Variants in FBXO8 observed in about 807,000 individuals in gnomAD.
FBXO8 encodes the protein F-box protein 8.
A neutral mutation model predicts 33.4 loss-of-function variants in FBXO8; 15 were observed. The ratio of observed to expected loss-of-function variants is 0.45; its 90% CI spans 0.30 to 0.69. The LOEUF is 0.69. Ranked by LOEUF, FBXO8 falls within the 30% of genes least tolerant of loss-of-function variation. FBXO8 has a pLI of 0.08. For missense variants in FBXO8, 274 were observed against 380.3 expected (o/e 0.72, Z 2.32); for synonymous variants, 132 against 131.5 (o/e 1.00, Z -0.02).
At chr4:174,243,252 T>A (rs1736082735) in intron 3 of FBXO8, among the ~76,000 whole-genome samples, 1 of 151,344 alleles carries the variant, frequency 6.6e-6, no homozygotes, top group Non-Finnish European at 1.5e-5. Flanking sequence ...GAAGCAGTCA[T>A]GAGCACAAAG....
chr4:174,279,802 G>C (rs966753469), intron 1 of FBXO8, among the ~76,000 whole-genome samples: 1 of 152,046 alleles, frequency 6.6e-6, no homozygotes. Context: ...ACATTCAAAA[G>C]AATGAGGTTG....
At chr4:174,250,973 G>A (rs932221448) in intron 3 of FBXO8, among the ~76,000 whole-genome samples, 2 of 152,072 alleles carry the variant, frequency 1.3e-5, no homozygotes, top group Non-Finnish European at 2.9e-5. Context: ...AGAGGGTCAG[G>A]TAGTGTATGA....
rs1481285838 is a variant in FBXO8 at position 174,245,014 on chromosome 4, TA to T, written c.457-3797del. On this transcript the variant is annotated intron_variant, in intron 3 of 5. Coordinates refer to ENST00000393674, the MANE Select transcript of FBXO8 (RefSeq NM_012180.3). This position sits in a 1 kb window ranked among gnomAD's most constrained non-coding sequence, Gnocchi z 4.6. ...TTACATATATGCATCTGCTTTAAAA[TA>T]TTTTTTAAAACATGAAGCAATACAT... Among the ~76,000 whole-genome samples the T allele has an allele frequency of 1.3e-5, 2 of 151,814 alleles. No homozygotes were observed. Among genetic ancestry groups the T allele is most frequent in the Non-Finnish European group, 2.9e-5 (2 of 67,828 alleles).
At position 174,237,884 on chromosome 4, in the gene FBXO8, A is replaced by G. The variant is rs961914487; in HGVS notation, c.773-285T>C. ...TTTCAAAAGAACTTTAGAACAGTTT[A>G]GGAGTGTATAGTAAAAATTCATTCT... On this transcript the variant is annotated intron_variant, in intron 5 of 5. Transcript: ENST00000393674. The surrounding 1 kb of genome is among the most constrained non-coding windows in gnomAD (Gnocchi z 4.4). Among the ~76,000 whole-genome samples, 2 of 152,096 alleles carry G rather than the reference A, an allele frequency of 1.3e-5. No individual in the cohort carries two copies. Among genetic ancestry groups the G allele is most frequent in the African/African-American group, 4.8e-5 (2 of 41,446 alleles).
chr4:174,274,625 G>A lies in FBXO8; in HGVS notation c.-9+8785C>T, dbSNP rs1276054149. 6.6e-6 allele frequency among the ~76,000 whole-genome samples: 1 copy of A among 152,098 alleles called. No homozygotes were observed. The highest frequency in any genetic ancestry group is 1.5e-5 in the Non-Finnish European group (1 of 68,014). On this transcript the variant is annotated intron_variant, in intron 1 of 5. Transcript: ENST00000393674. The surrounding 1 kb of genome is among the most constrained non-coding windows in gnomAD (Gnocchi z 4.0). ...ATGATGACTGTAAGTACTAAAATAA[G>A]GAACTGACTCCACACAATAGGTTAC...
intron 5 of FBXO8, among the ~76,000 whole-genome samples, chr4:174,238,759 G>GTATA (rs34800396): frequency 1.8e-4 from 20 of 113,798 alleles, no homozygotes; most frequent in South Asian, 3.0e-4. Flanking sequence ...ACATAGCCAT[G>GTATA]TATATATATA....
At position 174,250,523 on chromosome 4, in the gene FBXO8, A is replaced by G. The variant is rs751239339; in HGVS notation, c.456+9176T>C. Among the ~76,000 whole-genome samples, 49 of 152,148 alleles carry G rather than the reference A, an allele frequency of 3.2e-4. 1 individual carries two copies. The highest frequency in any genetic ancestry group is 5.6e-4 in the Non-Finnish European group (38 of 67,976). ...TTTGATGCTATATTTAACTGCTAAC[A>G]ACCAAAAGAGATTTACAGAAATCTT... On this transcript the variant is annotated intron_variant, in intron 3 of 5. Transcript: ENST00000393674.
intron 2 of FBXO8, among the ~76,000 whole-genome samples, chr4:174,260,619 A>G (rs929793561): frequency 1.3e-5 from 2 of 152,014 alleles, no homozygotes; most frequent in Non-Finnish European, 2.9e-5. Context: ...CTAACAGTTC[A>G]TATCTCAAAA....
chr4:174,247,239 ATGTTT>A lies in FBXO8; in HGVS notation c.457-6026_457-6022del, dbSNP rs1204731598. On this transcript the variant is annotated intron_variant, in intron 3 of 5. Coordinates refer to ENST00000393674, the MANE Select transcript of FBXO8 (RefSeq NM_012180.3). The surrounding 1 kb of genome is among the most constrained non-coding windows in gnomAD (Gnocchi z 4.6). ...AGTTGGTATCAATAAAAGTTACATG[ATGTTT>A]TGTTTTGTTTTATTGGTGTCACTAA... 8.5e-5 allele frequency among the ~76,000 whole-genome samples: 13 copies of A among 152,132 alleles called. 1 individual carries two copies. Among genetic ancestry groups the A allele is most frequent in the African/African-American group, 3.1e-4 (13 of 41,540 alleles).
rs1736869591 is a variant in FBXO8 at position 174,272,802 on chromosome 4, T to C, written c.-8-9702A>G. Among the ~76,000 whole-genome samples the C allele has an allele frequency of 6.6e-6, 1 of 152,026 alleles. No individual in the cohort carries two copies. The highest frequency in any genetic ancestry group is 2.1e-4 in the South Asian group (1 of 4,830). ...TTAATTACAAGAAAAAATTAAGAAATAAGACAAAACCTTAACCAAATGATG... is the reference window on the plus strand; with the variant it reads ...TTAATTACAAGAAAAAATTAAGAAACAAGACAAAACCTTAACCAAATGATG... On this transcript the variant is annotated intron_variant, in intron 1 of 5. Transcript: ENST00000393674. The surrounding 1 kb of genome is among the most constrained non-coding windows in gnomAD (Gnocchi z 4.7).
rs962796273 is a variant in FBXO8, at chr4:174,255,417, A to T, written c.456+4282T>A. On this transcript the variant is annotated intron_variant, in intron 3 of 5. Coordinates refer to ENST00000393674, the MANE Select transcript of FBXO8 (RefSeq NM_012180.3). This position sits in a 1 kb window ranked among gnomAD's most constrained non-coding sequence, Gnocchi z 4.3. ...CTGTTTATACTTTAGCTGGTCCAAT[A>T]ACAAAAATAACATGTTATCTTGAAA... 2.6e-5 allele frequency among the ~76,000 whole-genome samples: 4 copies of T among 152,178 alleles called. No individual in the cohort carries two copies. Among genetic ancestry groups the T allele is most frequent in the African/African-American group, 9.6e-5 (4 of 41,456 alleles).
intron 3 of FBXO8, among the ~76,000 whole-genome samples, chr4:174,248,706 G>A (rs568438514): frequency 2.6e-5 from 4 of 152,080 alleles, no homozygotes; most frequent in East Asian, 1.9e-4. Context: ...TTTACCTTTC[G>A]TATAATATTA....
chr4:174,266,235 C>G (rs953014605), intron 1 of FBXO8, among the ~76,000 whole-genome samples: 7 of 152,142 alleles, frequency 4.6e-5, no homozygotes, highest in African/African-American at 1.7e-4. Context: ...AAGCCAGCAG[C>G]TGGTTCTTTA....
In FBXO8 at chr4:174,265,081, AC is replaced by A. The variant is rs961979324; in HGVS notation, c.-8-1982del. 4.6e-5 allele frequency among the ~76,000 whole-genome samples: 7 copies of A among 152,074 alleles called. No homozygotes were observed. Among genetic ancestry groups the A allele is most frequent in the Admixed American group, 1.3e-4 (2 of 15,268 alleles). On this transcript the variant is annotated intron_variant, in intron 1 of 5. Coordinates refer to ENST00000393674, the MANE Select transcript of FBXO8 (RefSeq NM_012180.3). This position sits in a 1 kb window ranked among gnomAD's most constrained non-coding sequence, Gnocchi z 4.7. The stretch of plus-strand genomic sequence containing the variant: ...ACATAACTATGAGATACTACTACAC[AC>A]CCATTAAAAGAGTATATCCGAAACA...
rs1416511213 is a variant in FBXO8, at chr4:174,241,062, T to A, written c.575+38A>T. The stretch of plus-strand genomic sequence containing the variant: ...AACTTAACTCATCAAAAACATTACT[T>A]AACTCATTTTGGATGAAAAGTTAAT... On this transcript the variant is annotated intron_variant, in intron 4 of 5. Coordinates refer to ENST00000393674, the MANE Select transcript of FBXO8 (RefSeq NM_012180.3). The surrounding 1 kb of genome is among the most constrained non-coding windows in gnomAD (Gnocchi z 4.2). The A allele has an allele frequency of 8.0e-7, 1 of 1,255,462 alleles. No homozygotes were observed. The highest frequency in any genetic ancestry group is 1.2e-6 in the Non-Finnish European group (1 of 869,350). 77.8% of individuals were successfully genotyped at this position (1,255,462 alleles called of 1,614,324 possible).
chr4:174,275,632 T>A lies in FBXO8; in HGVS notation c.-9+7778A>T, dbSNP rs975892840. Among the ~76,000 whole-genome samples the A allele has an allele frequency of 1.4e-4, 21 of 152,186 alleles. No individual in the cohort carries two copies. The highest frequency in any genetic ancestry group is 2.6e-4 in the Non-Finnish European group (18 of 68,020). ...TATGTAAATGATACCTTAATAAAGA[T>A]GTTTTATAAAAAGGAATTAGAAACT... On this transcript the variant is annotated intron_variant, in intron 1 of 5. Transcript: ENST00000393674. This position sits in a 1 kb window ranked among gnomAD's most constrained non-coding sequence, Gnocchi z 4.4.
Position 174,255,230 on chromosome 4 carries a change from A to G in FBXO8, c.456+4469T>C, listed in dbSNP as rs893585972. Among the ~76,000 whole-genome samples the G allele has an allele frequency of 6.6e-6, 1 of 152,208 alleles. No homozygotes were observed. The highest frequency in any genetic ancestry group is 2.4e-5 in the African/African-American group (1 of 41,464). On this transcript the variant is annotated intron_variant, in intron 3 of 5. Transcript: ENST00000393674. The surrounding 1 kb of genome is among the most constrained non-coding windows in gnomAD (Gnocchi z 4.3). ...TTCATTCCCTAGGAATAGAAGTTAA[A>G]GTTATTTTTCACCACTGTTGCTACG...
rs1736184615 is a variant in FBXO8, at chr4:174,247,407, C to T, written c.457-6189G>A. ...CTTGTATAAAATGTAAAATCTAGTA[C>T]AATGGCCACTACTTTTCAGGTCATC... On this transcript the variant is annotated intron_variant, in intron 3 of 5. Transcript: ENST00000393674. The surrounding 1 kb of genome is among the most constrained non-coding windows in gnomAD (Gnocchi z 4.6). Among the ~76,000 whole-genome samples, 1 of 136,356 alleles carries T rather than the reference C, an allele frequency of 7.3e-6. No individual in the cohort carries two copies. Among genetic ancestry groups the T allele is most frequent in the Non-Finnish European group, 1.7e-5 (1 of 59,392 alleles). 89.5% of individuals were successfully genotyped at this position (136,356 alleles called of 152,430 possible). A position where few individuals can be genotyped will look rare whatever the true frequency, so the allele number is the denominator to read the frequency against.
At position 174,246,103 on chromosome 4, in the gene FBXO8, A is replaced by T. The variant is rs1490743819; in HGVS notation, c.457-4885T>A. 2.0e-5 allele frequency among the ~76,000 whole-genome samples: 3 copies of T among 151,958 alleles called. No homozygotes were observed. The South Asian group carries it at 6.2e-4, about 32-fold the overall frequency. ...CTTGGATAAGAAGGATTAGTAAGGGAGTAATGAAGAGAATGATAGAATAAT... is the reference window on the plus strand; with the variant it reads ...CTTGGATAAGAAGGATTAGTAAGGGTGTAATGAAGAGAATGATAGAATAAT... On this transcript the variant is annotated intron_variant, in intron 3 of 5. Coordinates refer to ENST00000393674, the MANE Select transcript of FBXO8 (RefSeq NM_012180.3).
Sources: gnomAD v4.1 joint callset for allele counts (sites outside exome capture counted in the v4.1 genomes callset) on GRCh38, gnomAD v4.1.1 for gene constraint, Gnocchi (gnomAD v3.1) non-coding constraint, MANE v1.5 for transcripts, NCBI Gene and HGNC (gene_info 2026-07-23, HGNC 2026-07-21) for gene names.